GRM7: variants seen among roughly 807,000 people sequenced by gnomAD.
GRM7 encodes glutamate metabotropic receptor 7.
In GRM7, 35 loss-of-function variants were observed where a neutral mutation model predicts 84.5. The ratio of observed to expected loss-of-function variants is 0.41; its 90% CI spans 0.32 to 0.55. GRM7 has a LOEUF of 0.55. GRM7 is among the 20% of genes least tolerant of loss of function. GRM7 has a pLI of 0.19. For synonymous variants in GRM7, 487 were observed against 455.1 expected, an observed-to-expected ratio of 1.07 and a Z score of -0.89; for missense variants, 1,003 against 1,194.6, an observed-to-expected ratio of 0.84 and a Z score of 2.36.
chr3:7,346,043 T>A (rs995058429), intron 4 of GRM7, among the ~76,000 whole-genome samples: 1 of 152,086 alleles, frequency 6.6e-6, no homozygotes, highest in Admixed American at 6.6e-5. Context: ...AAATTAAGAG[T>A]TAGTCTCTAA....
chr3:6,886,951 G>A (rs184373510), intron 1 of GRM7, among the ~76,000 whole-genome samples: 3 of 151,688 alleles, frequency 2.0e-5, no homozygotes, highest in Admixed American at 6.6e-5. Context: ...TGCTTAACCC[G>A]TGAACTCAGG....
chr3:7,514,280 A>C (rs1396996249), intron 7 of GRM7, among the ~76,000 whole-genome samples: 3 of 152,262 alleles, frequency 2.0e-5, no homozygotes, highest in African/African-American at 7.2e-5. Flanking sequence ...TTGGAGATAG[A>C]TGCTCACTCT....
intron 2 of GRM7, among the ~76,000 whole-genome samples, chr3:7,171,940 A>G (rs971091663): frequency 4.6e-5 from 7 of 152,212 alleles, no homozygotes; most frequent in Non-Finnish European, 1.0e-4. Context: ...TGAAAACAGC[A>G]TGCAGTTTCC....
intron 8 of GRM7, chr3:7,636,228 T>C (rs764328110): frequency 2.2e-6 from 1 of 456,720 alleles, no homozygotes; most frequent in East Asian, 7.0e-5. Context: ...TTCTTTGTAA[T>C]GTCTTCTCTT....
At chr3:6,958,848 T>C (rs1231559031) in intron 1 of GRM7, among the ~76,000 whole-genome samples, 1 of 152,144 alleles carries the variant, frequency 6.6e-6, no homozygotes, top group Non-Finnish European at 1.5e-5. Context: ...TACTAGAGCA[T>C]ATTAGAAGCA....
intron 5 of GRM7, among the ~76,000 whole-genome samples, chr3:7,426,019 A>T (rs576062198): frequency 2.6e-5 from 4 of 152,214 alleles, no homozygotes; most frequent in African/African-American, 9.6e-5. Context: ...AGGCACTAAA[A>T]GTATAGATTG....
chr3:7,318,573 T>G (rs1700663658), intron 4 of GRM7, among the ~76,000 whole-genome samples: 1 of 152,064 alleles, frequency 6.6e-6, no homozygotes, highest in African/African-American at 2.4e-5. Context: ...AGGGGTTTTT[T>G]AAATGTCCTT....
chr3:7,031,137 A>C (rs528053700), intron 1 of GRM7, among the ~76,000 whole-genome samples: 1 of 152,256 alleles, frequency 6.6e-6, no homozygotes, highest in African/African-American at 2.4e-5. Flanking sequence ...TAAAGCTTTC[A>C]ATATTTGCCA....
At chr3:7,365,887 G>A (rs547191705) in intron 4 of GRM7, among the ~76,000 whole-genome samples, 77 of 151,230 alleles carry the variant, frequency 5.1e-4, no homozygotes, top group African/African-American at 1.8e-3. Context: ...TGGAATTGTG[G>A]CTACAAAGCA....
intron 1 of GRM7, among the ~76,000 whole-genome samples, chr3:7,125,035 G>T (rs958728294): frequency 1.3e-5 from 2 of 152,152 alleles, no homozygotes; most frequent in Admixed American, 1.3e-4. Flanking sequence ...CGCCACCTGG[G>T]TTCAAGTGAT....
At chr3:6,881,852 G>A (rs1695522241) in intron 1 of GRM7, among the ~76,000 whole-genome samples, 1 of 151,920 alleles carries the variant, frequency 6.6e-6, no homozygotes, top group South Asian at 2.1e-4. Flanking sequence ...CAATCTGGAG[G>A]GGCTAAAAAT....
chr3:7,548,466 C>T (rs1345788551), intron 7 of GRM7, among the ~76,000 whole-genome samples: 1 of 152,208 alleles, frequency 6.6e-6, no homozygotes, highest in Non-Finnish European at 1.5e-5. Context: ...TTCCCAGCCT[C>T]AGGTGTTTCT....
intron 4 of GRM7, among the ~76,000 whole-genome samples, chr3:7,356,021 G>T (rs1170686841): frequency 6.6e-6 from 1 of 152,062 alleles, no homozygotes; most frequent in East Asian, 1.9e-4. Context: ...TTGGTGAAGG[G>T]AAGTCTTCCC....
At chr3:7,493,313 A>G (rs905320819) in intron 7 of GRM7, among the ~76,000 whole-genome samples, 1 of 151,928 alleles carries the variant, frequency 6.6e-6, no homozygotes, top group African/African-American at 2.4e-5. Flanking sequence ...TTTCAGCTCC[A>G]TTGGTGTTTA....
intron 2 of GRM7, among the ~76,000 whole-genome samples, chr3:7,226,167 T>C (rs1373311952): frequency 6.6e-6 from 1 of 152,226 alleles, no homozygotes; most frequent in Non-Finnish European, 1.5e-5. Flanking sequence ...TATTGCTGTG[T>C]AACAAATCAC....
At chr3:7,240,119 G>GTTTTTTT (rs1697494457) in intron 2 of GRM7, among the ~76,000 whole-genome samples, 4 of 19,190 alleles carry the variant, frequency 2.1e-4, no homozygotes, top group Admixed American at 8.8e-4. Flanking sequence ...TAGCATGTGA[G>GTTTTTTT]GTTTTTTTTT....
intron 7 of GRM7, among the ~76,000 whole-genome samples, chr3:7,472,965 A>G (rs2124925981): frequency 6.6e-6 from 1 of 152,318 alleles, no homozygotes; most frequent in East Asian, 1.9e-4. Context: ...TATCTCAAAA[A>G]GGTAAACATA....
At chr3:7,313,709 T>A (rs1028351047) in intron 4 of GRM7, among the ~76,000 whole-genome samples, 3 of 152,184 alleles carry the variant, frequency 2.0e-5, no homozygotes, top group Non-Finnish European at 2.9e-5. Flanking sequence ...TATATCCCTA[T>A]ATTTATCACC....
At chr3:7,632,837 C>T (rs1697916123) in intron 8 of GRM7, among the ~76,000 whole-genome samples, 1 of 152,012 alleles carries the variant, frequency 6.6e-6, no homozygotes, top group African/African-American at 2.4e-5. Flanking sequence ...AATTATTTTA[C>T]ACATTAAAAA....
Sources: allele counts gnomAD v4.1 joint callset (sites outside exome capture counted in the v4.1 genomes callset), GRCh38; gene constraint gnomAD v4.1.1; transcripts MANE v1.5; gene names NCBI Gene and HGNC (gene_info 2026-07-23, HGNC 2026-07-21).